The following MGRN1 variants were observed in gnomAD, a reference collection of about 807,000 sequenced individuals.
MGRN1 encodes the protein mahogunin ring finger 1.
MGRN1 carries 29 observed loss-of-function variants against 69.2 expected under a neutral mutation model. That is an observed-to-expected ratio of 0.42 (90% CI 0.31 to 0.57). The LOEUF is 0.57. Ranked by LOEUF, MGRN1 falls within the 20% of genes least tolerant of loss-of-function variation. The pLI is 0.15. For synonymous variants in MGRN1, 470 were observed against 344.2 expected (o/e 1.37, Z -4.04); for missense variants, 998 against 796.2 (o/e 1.25, Z -3.05).
chr16:4,641,229 C>T (rs1254022836), intron 1 of MGRN1, among the ~76,000 whole-genome samples: 1 of 152,244 alleles, frequency 6.6e-6, no homozygotes, highest in African/African-American at 2.4e-5. Context: ...AAAGGGCGGC[C>T]CCGCCCCTAA....
At chr16:4,630,377 A>G (rs1897939122) in intron 1 of MGRN1, among the ~76,000 whole-genome samples, 1 of 151,836 alleles carries the variant, frequency 6.6e-6, no homozygotes, top group African/African-American at 2.4e-5. Context: ...ACAAATAGAA[A>G]GAAAAGAAAT....
intron 1 of MGRN1, among the ~76,000 whole-genome samples, chr16:4,640,824 C>G (rs1398200827): frequency 6.6e-6 from 1 of 152,216 alleles, no homozygotes; most frequent in African/African-American, 2.4e-5. Context: ...GGGGAGGTGC[C>G]CAGCACAGAG....
intron 7 of MGRN1, among the ~76,000 whole-genome samples, chr16:4,666,160 C>T (rs747413893): frequency 6.6e-6 from 1 of 152,006 alleles, no homozygotes; most frequent in Non-Finnish European, 1.5e-5. Context: ...CAGGGTCTCG[C>T]TCTGTTGCCC....
chr16:4,687,406 G>T, intron 16 of MGRN1: 1 of 893,218 alleles, frequency 1.1e-6, no homozygotes, highest in Non-Finnish European at 1.3e-6. Flanking sequence ...TGGCTTGGGC[G>T]TGGTAGCTTG....
chr16:4,643,656 G>A (rs186373953), intron 1 of MGRN1, among the ~76,000 whole-genome samples: 319 of 152,268 alleles, frequency 2.1e-3, no homozygotes, highest in Non-Finnish European at 3.0e-3. Context: ...ACACGCGTGA[G>A]TCACCGCGCC....
intron 1 of MGRN1, among the ~76,000 whole-genome samples, chr16:4,626,811 C>T (rs1000180470): frequency 6.6e-6 from 1 of 152,208 alleles, no homozygotes; most frequent in Admixed American, 6.5e-5. Context: ...TCGCAGAACA[C>T]TCGCGTCAGC....
At chr16:4,631,940 G>T (rs1370890737) in intron 1 of MGRN1, among the ~76,000 whole-genome samples, 1 of 147,962 alleles carries the variant, frequency 6.8e-6, no homozygotes, top group Non-Finnish European at 1.5e-5. Context: ...CCTATTTAAG[G>T]CAAGTGATAT....
chr16:4,632,835 C>G (rs1045519758), intron 1 of MGRN1, among the ~76,000 whole-genome samples: 1 of 152,182 alleles, frequency 6.6e-6, no homozygotes, highest in Non-Finnish European at 1.5e-5. Context: ...GTAATCCCAG[C>G]ACTTTGGGAG....
intron 7 of MGRN1, among the ~76,000 whole-genome samples, chr16:4,667,680 G>C (rs533464498): frequency 3.9e-5 from 6 of 152,346 alleles, no homozygotes; most frequent in South Asian, 2.1e-4. Flanking sequence ...GTGTTGTTGC[G>C]AGGTCTCCGA....
intron 16 of MGRN1, among the ~76,000 whole-genome samples, chr16:4,684,992 C>G (rs973727911): frequency 6.6e-6 from 1 of 152,370 alleles, no homozygotes; most frequent in Admixed American, 6.5e-5. Flanking sequence ...TGCCCCCGGA[C>G]TCTGGCTGAG....
chr16:4,668,632 GCACA>G (rs554242414), intron 8 of MGRN1, among the ~76,000 whole-genome samples: 8 of 151,302 alleles, frequency 5.3e-5, no homozygotes, highest in Non-Finnish European at 1.2e-4. Context: ...TCATTCAGAT[GCACA>G]CACTCAGACA....
rs916430633 is a variant in MGRN1, at chr16:4,657,572, G to A, written c.561+209G>A. On this transcript the variant is annotated intron_variant, in intron 5 of 16. Transcript: ENST00000262370. Reference sequence around the variant, plus strand: ...TGCTGATGGGGCCAGGGGACCAGAGGCCGACCAGGCAGCCGCACTCGGAGG... The same window carrying A: ...TGCTGATGGGGCCAGGGGACCAGAGACCGACCAGGCAGCCGCACTCGGAGG... Among the ~76,000 whole-genome samples the A allele has an allele frequency of 4.3e-4, 65 of 152,166 alleles. 2 individuals carry two copies. The highest frequency in any genetic ancestry group is 2.1e-4 in the South Asian group (1 of 4,830).
At chr16:4,629,654 G>A (rs947480662) in intron 1 of MGRN1, among the ~76,000 whole-genome samples, 3 of 151,404 alleles carry the variant, frequency 2.0e-5, no homozygotes, top group African/African-American at 7.3e-5. Flanking sequence ...CAGGAGAATT[G>A]TTTGAACCCG....
At position 4,687,035 on chromosome 16, in the gene MGRN1, C is replaced by T. The variant is rs888984949; in HGVS notation, c.1619-1761C>T. The T allele has an allele frequency of 2.9e-5, 29 of 985,722 alleles. No homozygotes were observed. The Admixed American group carries it at 4.3e-4, about 15-fold the overall frequency. The allele number at this position is 985,722 out of a possible 1,614,324, so 61.1% of individuals were successfully genotyped here. On this transcript the variant is annotated intron_variant, in intron 16 of 16. Coordinates refer to ENST00000262370, the MANE Select transcript of MGRN1 (RefSeq NM_015246.4). ...CTCCCCCGCTCCCTCCTTCCCTTGT[C>T]AGCATGGCCACCGTGGGCCTGGCAT...
At chr16:4,682,524 G>A (rs772357761) in intron 13 of MGRN1, among the ~76,000 whole-genome samples, 1 of 152,218 alleles carries the variant, frequency 6.6e-6, no homozygotes, top group Non-Finnish European at 1.5e-5. Context: ...GTCTCCTGCT[G>A]CTTCTCCTCC....
chr16:4,638,894 C>T (rs764009813), intron 1 of MGRN1, among the ~76,000 whole-genome samples: 4 of 152,156 alleles, frequency 2.6e-5, no homozygotes, highest in African/African-American at 4.8e-5. Flanking sequence ...CCTGGTGTCC[C>T]GGGTCCCTGG....
At chr16:4,656,882 A>AAAAT (rs57256799) in intron 4 of MGRN1, among the ~76,000 whole-genome samples, 1,563 of 146,824 alleles carry the variant, frequency 0.011, 8 homozygotes, top group African/African-American at 0.015. Flanking sequence ...TCTTATCTCA[A>AAAAT]AAATAAATAA....
At chr16:4,634,902 A>T (rs1417227505) in intron 1 of MGRN1, 3 of 152,178 alleles carry the variant, frequency 2.0e-5, no homozygotes, top group African/African-American at 4.8e-5. Context: ...AGAAGGTTGC[A>T]TTGGCTCCCC....
rs1439331506 is a variant in MGRN1, at chr16:4,688,974, A to G, written c.*66A>G. On this transcript the variant is annotated 3_prime_UTR_variant, in exon 17 of 17. Coordinates refer to ENST00000262370, the MANE Select transcript of MGRN1 (RefSeq NM_015246.4). ...AGACTTTGCCGAGGGGCTGCTCCGGACCCCGTTGTGAGCCGGCCTCCTGTC... is the reference window on the plus strand; with the variant it reads ...AGACTTTGCCGAGGGGCTGCTCCGGGCCCCGTTGTGAGCCGGCCTCCTGTC... 2.7e-6 allele frequency: 4 copies of G among 1,472,198 alleles called. No homozygotes were observed. In the African/African-American group the frequency reaches 4.2e-5, roughly 16 times the overall value. The allele number at this position is 1,472,198 out of a possible 1,614,324, so 91.2% of individuals were successfully genotyped here.
Sources: allele counts gnomAD v4.1 joint callset (sites outside exome capture counted in the v4.1 genomes callset), GRCh38; gene constraint gnomAD v4.1.1; transcripts MANE v1.5; gene names NCBI Gene and HGNC (gene_info 2026-07-23, HGNC 2026-07-21).